Variants in GALNT13 observed in about 807,000 individuals in gnomAD.
GALNT13 encodes UDP-GalNAc:polypeptide N-acetylgalactosaminyltransferase 13.
GALNT13 carries 28 observed loss-of-function variants against 64.2 expected under a neutral mutation model. The ratio of observed to expected loss-of-function variants is 0.44; its 90% CI spans 0.32 to 0.60. GALNT13 has a LOEUF of 0.60. Ranked by LOEUF, GALNT13 falls within the 20% of genes least tolerant of loss-of-function variation. GALNT13 has a pLI of 0.05. For missense variants in GALNT13, 577 were observed against 669.8 expected (o/e 0.86, Z 1.53); for synonymous variants, 214 against 224.6 (o/e 0.95, Z 0.42).
intron 12 of GALNT13, among the ~76,000 whole-genome samples, chr2:154,445,297 C>T (rs1701509130): frequency 6.6e-6 from 1 of 151,590 alleles, no homozygotes; most frequent in Admixed American, 6.6e-5. Context: ...GCCCTGGGGT[C>T]ATGTTTCCAG....
chr2:153,139,101 A>G, the GALNT13 span, among the ~76,000 whole-genome samples: 1 of 152,072 alleles, frequency 6.6e-6, no homozygotes, highest in Non-Finnish European at 1.5e-5. Flanking sequence ...ATGTTATTTC[A>G]TATGTTTTGA....
At chr2:153,639,469 G>C in the GALNT13 span, among the ~76,000 whole-genome samples, 3 of 152,152 alleles carry the variant, frequency 2.0e-5, no homozygotes, top group African/African-American at 4.8e-5. Flanking sequence ...GAATTTGAAA[G>C]ACCATGTACA....
At chr2:154,418,488 G>A (rs1483816176) in intron 11 of GALNT13, among the ~76,000 whole-genome samples, 1 of 152,152 alleles carries the variant, frequency 6.6e-6, no homozygotes, top group East Asian at 1.9e-4. Context: ...TGACCATAGT[G>A]GCAGAGCTTG....
At chr2:154,382,939 G>A (rs1424174462) in intron 9 of GALNT13, among the ~76,000 whole-genome samples, 1 of 151,950 alleles carries the variant, frequency 6.6e-6, no homozygotes, top group Non-Finnish European at 1.5e-5. Context: ...GAAATGGCAA[G>A]TGCAGAGAGG....
chr2:153,493,491 T>C, the GALNT13 span, among the ~76,000 whole-genome samples: 3 of 152,004 alleles, frequency 2.0e-5, no homozygotes, highest in Non-Finnish European at 4.4e-5. Flanking sequence ...TCGTTTTAAA[T>C]CAAAAAGCCT....
At chr2:154,422,511 C>T (rs1281290024) in intron 11 of GALNT13, among the ~76,000 whole-genome samples, 2 of 152,118 alleles carry the variant, frequency 1.3e-5, no homozygotes, top group African/African-American at 4.8e-5. Context: ...GCCTAGTGTC[C>T]ATTCCAATTT....
the GALNT13 span, among the ~76,000 whole-genome samples, chr2:153,812,427 T>C: frequency 6.6e-6 from 1 of 152,296 alleles, no homozygotes; most frequent in East Asian, 1.9e-4. Flanking sequence ...TATGGAGGTC[T>C]TGCAAGGGAA....
At chr2:153,803,704 A>AAG in the GALNT13 span, among the ~76,000 whole-genome samples, 1 of 150,224 alleles carries the variant, frequency 6.7e-6, no homozygotes, top group Non-Finnish European at 1.5e-5. Flanking sequence ...AAAAAAAAAA[A>AAG]AAAAGAAAAA....
the GALNT13 span, among the ~76,000 whole-genome samples, chr2:153,730,722 A>C: frequency 6.6e-6 from 1 of 151,802 alleles, no homozygotes; most frequent in South Asian, 2.1e-4. Flanking sequence ...AAGCCCATTA[A>C]AAAGTTGGCA....
chr2:154,185,314 A>G (rs1686190089), intron 4 of GALNT13, among the ~76,000 whole-genome samples: 1 of 152,016 alleles, frequency 6.6e-6, no homozygotes, highest in South Asian at 2.1e-4. Context: ...TGATTATCAT[A>G]TGTTTCAGTG....
chr2:154,285,538 T>G (rs1372679236), intron 8 of GALNT13, among the ~76,000 whole-genome samples: 5 of 152,146 alleles, frequency 3.3e-5, no homozygotes, highest in Non-Finnish European at 2.9e-5. Flanking sequence ...ATACTTAGGT[T>G]TATTTCTGGG....
chr2:154,210,187 T>G (rs562997926), intron 4 of GALNT13, among the ~76,000 whole-genome samples: 2 of 152,338 alleles, frequency 1.3e-5, no homozygotes, highest in Admixed American at 6.5e-5. Context: ...TAGGTCTGAA[T>G]AGTATTCCAT....
rs1054603567 is a variant in GALNT13 at position 154,332,679 on chromosome 2, C to T, written c.1156+31090C>T. On this transcript the variant is annotated intron_variant, in intron 9 of 12. Coordinates refer to ENST00000392825, the MANE Select transcript of GALNT13 (RefSeq NM_052917.4). ...CTTCCGGCTATGTGAGCTGGTTGCCCTGTTTACAAACTTGCCAGTAGCTGT... is the reference window on the plus strand; with the variant it reads ...CTTCCGGCTATGTGAGCTGGTTGCCTTGTTTACAAACTTGCCAGTAGCTGT... 4.6e-5 allele frequency among the ~76,000 whole-genome samples: 7 copies of T among 152,118 alleles called. No individual in the cohort carries two copies. The South Asian group carries it at 1.5e-3, about 32-fold the overall frequency.
At chr2:153,954,740 A>G (rs1692446306) in intron 3 of GALNT13, among the ~76,000 whole-genome samples, 1 of 152,000 alleles carries the variant, frequency 6.6e-6, no homozygotes, top group Admixed American at 6.6e-5. Context: ...CCCATTTACA[A>G]ATGAGAAACT....
chr2:154,038,672 A>C (rs530578722), intron 3 of GALNT13, among the ~76,000 whole-genome samples: 1 of 152,262 alleles, frequency 6.6e-6, no homozygotes, highest in South Asian at 2.1e-4. Context: ...AGAAGAAAAC[A>C]TAGGAGTAAT....
intron 12 of GALNT13, 99 bp downstream of exon 12, chr2:154,438,825 T>G: frequency 1.0e-6 from 1 of 956,750 alleles, no homozygotes; most frequent in Non-Finnish European, 1.5e-6. Flanking sequence ...TTATCTACAT[T>G]GGCAGAATTA....
chr2:154,020,142 T>C (rs1298918738), intron 3 of GALNT13, among the ~76,000 whole-genome samples: 4 of 152,230 alleles, frequency 2.6e-5, no homozygotes, highest in Non-Finnish European at 5.9e-5. Context: ...CTATTGTGAA[T>C]AGTGCCGCAA....
chr2:154,131,390 C>T (rs201231245), intron 3 of GALNT13, among the ~76,000 whole-genome samples: 1 of 152,256 alleles, frequency 6.6e-6, no homozygotes, highest in South Asian at 2.1e-4. Flanking sequence ...TATTTTTTCT[C>T]AGCTACTAAA....
chr2:153,941,823 A>C (rs933800031), intron 2 of GALNT13, among the ~76,000 whole-genome samples: 63 of 152,166 alleles, frequency 4.1e-4, no homozygotes, highest in Admixed American at 2.0e-4. Context: ...ATACAAGCAG[A>C]GTCTGTTTCA....
Sources: allele counts gnomAD v4.1 joint callset (sites outside exome capture counted in the v4.1 genomes callset), GRCh38; gene constraint gnomAD v4.1.1; transcripts MANE v1.5; gene names NCBI Gene and HGNC (gene_info 2026-07-23, HGNC 2026-07-21).